Variants in ZNF462 observed in about 807,000 individuals in gnomAD.
ZNF462 encodes zinc finger PBX1-interacting protein.
In ZNF462, 10 loss-of-function variants were observed where a neutral mutation model predicts 201.9. That is an observed-to-expected ratio of 0.05 (90% CI 0.03 to 0.08). The LOEUF (loss-of-function observed/expected upper bound fraction) is 0.08, where lower values mean the gene tolerates loss of function less well. Among genes scored for constraint, ZNF462 ranks in the 10% least tolerant of loss-of-function variants. The pLI is 1.00. For missense variants in ZNF462, 2,523 were observed against 3,168.3 expected (o/e 0.80, Z 4.89); for synonymous variants, 1,227 against 1,193.3 (o/e 1.03, Z -0.58).
At chr9:106,864,107 T>TCTCTCTCC (rs1564062907) in intron 1 of ZNF462, among the ~76,000 whole-genome samples, 1 of 100,322 alleles carries the variant, frequency 1.0e-5, no homozygotes, top group Non-Finnish European at 2.1e-5. Flanking sequence ...TCTCTCTCTC[T>TCTCTCTCC]CTCCCTCTCC....
Position 107,003,114 on chromosome 9 carries a change from G to A in ZNF462, c.7057-180G>A, listed in dbSNP as rs1301467064. Reference sequence around the variant, plus strand: ...AAAATGATGGAATGTGGGAGCAAAGGGCTGCTCCATCTCCAAAAGAGTCAA... The same window carrying A: ...AAAATGATGGAATGTGGGAGCAAAGAGCTGCTCCATCTCCAAAAGAGTCAA... On this transcript the variant is annotated intron_variant, in intron 10 of 12. Coordinates refer to ENST00000277225, the MANE Select transcript of ZNF462 (RefSeq NM_021224.6). This position sits in a 1 kb window ranked among gnomAD's most constrained non-coding sequence, Gnocchi z 4.4. 6.6e-6 allele frequency among the ~76,000 whole-genome samples: 1 copy of A among 152,136 alleles called. No individual in the cohort carries two copies. Among genetic ancestry groups the A allele is most frequent in the African/African-American group, 2.4e-5 (1 of 41,440 alleles).
At chr9:106,888,227 G>C (rs955805459) in intron 1 of ZNF462, among the ~76,000 whole-genome samples, 3 of 151,590 alleles carry the variant, frequency 2.0e-5, no homozygotes. Context: ...ATTTTTAGTA[G>C]AGACAGGGTT....
At chr9:106,903,519 G>A (rs1829145652) in intron 1 of ZNF462, among the ~76,000 whole-genome samples, 1 of 152,138 alleles carries the variant, frequency 6.6e-6, no homozygotes. Context: ...AGTACTGTCA[G>A]TGTAATATTG....
At chr9:106,874,107 A>C (rs999771399) in intron 1 of ZNF462, among the ~76,000 whole-genome samples, 1 of 152,236 alleles carries the variant, frequency 6.6e-6, no homozygotes, top group Non-Finnish European at 1.5e-5. Flanking sequence ...AAAGGACTAA[A>C]ATAGAAAAAA....
upstream of ZNF462, among the ~76,000 whole-genome samples, chr9:106,862,305 G>GCAAGTAAGGGACCCT (rs1445368989): frequency 1.3e-5 from 2 of 152,158 alleles, no homozygotes; most frequent in African/African-American, 4.8e-5. This position sits in a 1 kb window ranked among gnomAD's most constrained non-coding sequence, Gnocchi z 4.2. Flanking sequence ...CTAGATGGAT[G>GCAAGTAAGGGACCCT]CAAGTAAGGG....
At chr9:106,953,427 C>T (rs73522992) in intron 7 of ZNF462, among the ~76,000 whole-genome samples, 5,169 of 152,240 alleles carry the variant, frequency 0.034, 266 homozygotes, top group African/African-American at 0.11. Context: ...AACAAGGTCA[C>T]GGCCTCTGCT....
chr9:106,904,721 G>A (rs187148821), intron 1 of ZNF462, among the ~76,000 whole-genome samples: 20 of 152,144 alleles, frequency 1.3e-4, no homozygotes, highest in African/African-American at 3.6e-4. Context: ...ACTTTACAGA[G>A]CATTTTGCAT....
At chr9:106,908,910 C>CATACAT (rs1554699359) in intron 1 of ZNF462, among the ~76,000 whole-genome samples, 2 of 43,978 alleles carry the variant, frequency 4.5e-5, no homozygotes, top group African/African-American at 2.2e-4. Flanking sequence ...CCCATATATA[C>CATACAT]ATATATATAT....
upstream of ZNF462, among the ~76,000 whole-genome samples, chr9:106,862,911 G>T (rs1180157936): frequency 6.6e-6 from 1 of 151,954 alleles, no homozygotes; most frequent in African/African-American, 2.4e-5. This position sits in a 1 kb window ranked among gnomAD's most constrained non-coding sequence, Gnocchi z 4.2. Context: ...GCACCCCCTG[G>T]TGCTCCGGCG....
At chr9:106,979,227 C>T in intron 9 of ZNF462, 1 of 154,872 alleles carries the variant, frequency 6.5e-6, no homozygotes, top group Non-Finnish European at 1.4e-5. Context: ...CTTCTCAATG[C>T]AGGCCAACAA....
chr9:107,010,176 G>A lies in ZNF462; in HGVS notation c.7313+508G>A, dbSNP rs570362560. On this transcript the variant is annotated intron_variant, in intron 12 of 12. Coordinates refer to ENST00000277225, the MANE Select transcript of ZNF462 (RefSeq NM_021224.6). This position sits in a 1 kb window ranked among gnomAD's most constrained non-coding sequence, Gnocchi z 4.6. ...GAACATAAAATCAGCCCCTCAACAA[G>A]GCACGTTAGTCCACCAGATGCAGAG... 3.2e-4 allele frequency among the ~76,000 whole-genome samples: 48 copies of A among 152,038 alleles called. No individual in the cohort carries two copies. Among genetic ancestry groups the A allele is most frequent in the Non-Finnish European group, 4.7e-4 (32 of 68,012 alleles).
chr9:106,956,420 C>A (rs928532855), intron 7 of ZNF462, among the ~76,000 whole-genome samples: 3 of 152,124 alleles, frequency 2.0e-5, no homozygotes, highest in African/African-American at 7.2e-5. Flanking sequence ...GTGCTATCAT[C>A]CAGGCTTTGT....
At chr9:106,985,767 G>A (rs1588159572) in intron 10 of ZNF462, among the ~76,000 whole-genome samples, 1 of 152,078 alleles carries the variant, frequency 6.6e-6, no homozygotes, top group Admixed American at 6.6e-5. Flanking sequence ...GCACCCATGG[G>A]TTAGAATTGT....
In ZNF462 at chr9:106,932,761, A is replaced by G; in HGVS notation, c.6116+212A>G. 1 of 632,284 alleles carries G rather than the reference A, an allele frequency of 1.6e-6. No homozygotes were observed. The highest frequency in any genetic ancestry group is 2.8e-5 in the East Asian group (1 of 36,304). The allele number at this position is 632,284 out of a possible 1,614,324, so 39.2% of individuals were successfully genotyped here. A position where few individuals can be genotyped will look rare whatever the true frequency, so the allele number is the denominator to read the frequency against. On this transcript the variant is annotated intron_variant, in intron 5 of 12. Coordinates refer to ENST00000277225, the MANE Select transcript of ZNF462 (RefSeq NM_021224.6). This position sits in a 1 kb window ranked among gnomAD's most constrained non-coding sequence, Gnocchi z 6.8. ...GGCGTTAGATTTGGCAAATGCAGGCATTTTAAAAATGAGAATTGGAGGAAT... is the reference window on the plus strand; with the variant it reads ...GGCGTTAGATTTGGCAAATGCAGGCGTTTTAAAAATGAGAATTGGAGGAAT...
At chr9:106,967,345 A>C (rs1832120844) in intron 7 of ZNF462, among the ~76,000 whole-genome samples, 1 of 152,128 alleles carries the variant, frequency 6.6e-6, no homozygotes, top group African/African-American at 2.4e-5. Flanking sequence ...GTGAATACTC[A>C]AGAAAGTCTC....
Position 106,977,861 on chromosome 9 carries a change from A to G in ZNF462, c.6832+3588A>G, listed in dbSNP as rs1827135252. ...CACCAAATGTGTAGATTAAAACAAT[A>G]GAAATGTATTCTCTCACAGTTCTGG... On this transcript the variant is annotated intron_variant, in intron 9 of 12. Coordinates refer to ENST00000277225, the MANE Select transcript of ZNF462 (RefSeq NM_021224.6). The surrounding 1 kb of genome is among the most constrained non-coding windows in gnomAD (Gnocchi z 4.6). Among the ~76,000 whole-genome samples, 1 of 151,368 alleles carries G rather than the reference A, an allele frequency of 6.6e-6. No individual in the cohort carries two copies. The highest frequency in any genetic ancestry group is 1.5e-5 in the Non-Finnish European group (1 of 67,982).
Position 107,006,116 on chromosome 9 carries a change from G to A in ZNF462, c.7189+2690G>A, listed in dbSNP as rs1829524432. Among the ~76,000 whole-genome samples, 1 of 152,170 alleles carries A rather than the reference G, an allele frequency of 6.6e-6. No homozygotes were observed. Among genetic ancestry groups the A allele is most frequent in the African/African-American group, 2.4e-5 (1 of 41,452 alleles). On this transcript the variant is annotated intron_variant, in intron 11 of 12. Coordinates refer to ENST00000277225, the MANE Select transcript of ZNF462 (RefSeq NM_021224.6). This position sits in a 1 kb window ranked among gnomAD's most constrained non-coding sequence, Gnocchi z 4.3. ...GTAGTCAACTTTGAAGTCGGGTAGG[G>A]TGGTGCCTCCAACTTCGTTCTGTTT...
chr9:106,921,162 C>T (rs1283212993), intron 1 of ZNF462, among the ~76,000 whole-genome samples: 1 of 152,192 alleles, frequency 6.6e-6, no homozygotes, highest in Non-Finnish European at 1.5e-5. Context: ...GAAGCCAAGG[C>T]ATTCTGGAGG....
At chr9:106,958,106 G>A (rs1831662784) in intron 7 of ZNF462, among the ~76,000 whole-genome samples, 1 of 152,056 alleles carries the variant, frequency 6.6e-6, no homozygotes. Flanking sequence ...AACAAAATGT[G>A]GAATCGTGGG....
Sources: gnomAD v4.1 joint callset for allele counts (sites outside exome capture counted in the v4.1 genomes callset) on GRCh38, gnomAD v4.1.1 for gene constraint, Gnocchi (gnomAD v3.1) non-coding constraint, MANE v1.5 for transcripts, NCBI Gene and HGNC (gene_info 2026-07-23, HGNC 2026-07-21) for gene names.